Variants in SORCS2 observed in about 807,000 individuals in gnomAD.
The protein encoded by SORCS2 is sortilin related VPS10 domain containing receptor 2.
A neutral mutation model predicts 141.6 loss-of-function variants in SORCS2; 100 were observed. The ratio of observed to expected loss-of-function variants is 0.71; its 90% CI spans 0.60 to 0.83. The LOEUF (loss-of-function observed/expected upper bound fraction) is 0.83, where lower values mean the gene tolerates loss of function less well. Ranked by LOEUF, SORCS2 falls within the 40% of genes least tolerant of loss-of-function variation. The pLI is 0.00. For missense variants in SORCS2, 1,646 were observed against 1,560.2 expected (o/e 1.05, Z -0.93); for synonymous variants, 789 against 676.9 (o/e 1.17, Z -2.57).
chr4:7,450,497 A>G (rs1728367040), intron 2 of SORCS2, among the ~76,000 whole-genome samples: 1 of 152,180 alleles, frequency 6.6e-6, no homozygotes, highest in African/African-American at 2.4e-5. Flanking sequence ...CCACATGCCA[A>G]TGCCCCCATT....
At position 7,718,014 on chromosome 4, in the gene SORCS2, A is replaced by G; in HGVS notation, c.2255A>G (p.Tyr752Cys). The G allele has an allele frequency of 3.7e-6, 6 of 1,601,304 alleles. No individual in the cohort carries two copies. Among genetic ancestry groups the G allele is most frequent in the Non-Finnish European group, 5.1e-6 (6 of 1,173,446 alleles). Residue 752 changes from tyrosine to cysteine, a missense_variant and splice_region_variant, in exon 18 of 27, where the codon TAC becomes TGC. By Grantham distance (194) the Tyr-to-Cys change is radical. Coordinates refer to ENST00000507866, the MANE Select transcript of SORCS2 (RefSeq NM_020777.3). ...CTGACCCTCTCTTGTCAATCCAGGT[A>G]CCGGAAAGTGGTGTCCAACGTGTGT... ...LGQTYTSSLG[Y>C]RKVVSNVCEG... is the part of the protein sequence containing the mutation.
intron 2 of SORCS2, among the ~76,000 whole-genome samples, chr4:7,498,987 G>T (rs1731797550): frequency 6.6e-6 from 1 of 152,158 alleles, no homozygotes; most frequent in Admixed American, 6.5e-5. Context: ...GGCTGAGGCT[G>T]GGGAAAGGGG....
chr4:7,471,272 C>T (rs998697090), intron 2 of SORCS2, among the ~76,000 whole-genome samples: 6 of 152,348 alleles, frequency 3.9e-5, no homozygotes, highest in South Asian at 2.1e-4. Context: ...TCAGATTTCA[C>T]GGAACACATT....
intron 3 of SORCS2, among the ~76,000 whole-genome samples, chr4:7,559,462 G>C (rs1009903304): frequency 5.9e-5 from 9 of 152,166 alleles, no homozygotes; most frequent in African/African-American, 1.2e-4. Context: ...CGTGGAGGCC[G>C]ACCCCGTTGG....
At chr4:7,463,805 G>T (rs565203716) in intron 2 of SORCS2, among the ~76,000 whole-genome samples, 77 of 152,162 alleles carry the variant, frequency 5.1e-4, no homozygotes, top group African/African-American at 1.8e-3. Context: ...GCCCTGCGCC[G>T]CCTACATACT....
At chr4:7,393,367 CG>C (rs1193036614) in intron 1 of SORCS2, among the ~76,000 whole-genome samples, 3 of 152,104 alleles carry the variant, frequency 2.0e-5, no homozygotes, top group African/African-American at 4.8e-5. Flanking sequence ...AAAACTGTCC[CG>C]GGGATATTTC....
intron 1 of SORCS2, among the ~76,000 whole-genome samples, chr4:7,360,992 C>T (rs760929559): frequency 3.3e-5 from 5 of 152,016 alleles, no homozygotes; most frequent in Admixed American, 6.6e-5. Flanking sequence ...CAGGCTTCTC[C>T]ATCCCCTTGC....
intron 3 of SORCS2, among the ~76,000 whole-genome samples, chr4:7,532,252 T>C (rs1299238335): frequency 6.6e-6 from 1 of 152,180 alleles, no homozygotes; most frequent in Non-Finnish European, 1.5e-5. Flanking sequence ...AGGGCAAAGC[T>C]GTCCTGTGAA....
chr4:7,650,620 G>T (rs1005625682), intron 4 of SORCS2, among the ~76,000 whole-genome samples: 4 of 152,156 alleles, frequency 2.6e-5, no homozygotes, highest in Admixed American at 2.0e-4. Context: ...TTATAGATGG[G>T]GAAACTGAGG....
chr4:7,260,906 C>G (rs142415157), intron 1 of SORCS2, among the ~76,000 whole-genome samples: 1 of 152,212 alleles, frequency 6.6e-6, no homozygotes, highest in Non-Finnish European at 1.5e-5. Flanking sequence ...ACAATGGGGA[C>G]ACCGAGGCTC....
intron 3 of SORCS2, among the ~76,000 whole-genome samples, chr4:7,532,092 C>T (rs991366106): frequency 6.6e-6 from 1 of 152,206 alleles, no homozygotes; most frequent in African/African-American, 2.4e-5. Context: ...GGGGAACTTC[C>T]TGACTTTGCT....
intron 1 of SORCS2, among the ~76,000 whole-genome samples, chr4:7,335,386 AC>A (rs1252579417): frequency 2.0e-5 from 3 of 152,242 alleles, no homozygotes; most frequent in Non-Finnish European, 4.4e-5. Context: ...TGCTTTGATA[AC>A]CCAAACATTT....
chr4:7,304,490 C>T (rs1011272300), intron 1 of SORCS2, among the ~76,000 whole-genome samples: 2 of 152,218 alleles, frequency 1.3e-5, no homozygotes, highest in Non-Finnish European at 2.9e-5. Flanking sequence ...GCCTCCCGTC[C>T]ATCCAGTGTG....
chr4:7,523,214 C>CTTCT (rs1354931098), intron 2 of SORCS2, among the ~76,000 whole-genome samples: 2 of 152,096 alleles, frequency 1.3e-5, no homozygotes, highest in East Asian at 3.9e-4. Context: ...AGGGCAGGCT[C>CTTCT]AGGAGCCACT....
chr4:7,229,071 A>G (rs1018397044), intron 1 of SORCS2, among the ~76,000 whole-genome samples: 20 of 151,874 alleles, frequency 1.3e-4, no homozygotes, highest in Non-Finnish European at 1.5e-4. Flanking sequence ...GGCCCCTTTG[A>G]TTTTGTTCCT....
In SORCS2 at chr4:7,734,321, G is replaced by A. The variant is rs1716064048; in HGVS notation, c.3258G>A (p.Leu1086=). 1.2e-6 allele frequency: 2 copies of A among 1,601,418 alleles called. No individual in the cohort carries two copies. Among genetic ancestry groups the A allele is most frequent in the African/African-American group, 1.3e-5 (1 of 74,780 alleles). ...GGGGYWAVVV[L]FVIGLFAAGA... ...GCGGCTACTGGGCGGTAGTGGTGCT[G>A]TTTGTCATCGGGCTCTTCGCAGCGG... The change falls in exon 25 of 27, where the codon CTG becomes CTA. Residue 1086 remains leucine, a synonymous_variant. Transcript: ENST00000507866.
intron 2 of SORCS2, among the ~76,000 whole-genome samples, chr4:7,444,304 GT>G: frequency 6.6e-6 from 1 of 152,310 alleles, no homozygotes; most frequent in East Asian, 1.9e-4. Flanking sequence ...CATAATAAGT[GT>G]TACAATATGG....
At chr4:7,470,320 C>T (rs1458362366) in intron 2 of SORCS2, among the ~76,000 whole-genome samples, 1 of 151,806 alleles carries the variant, frequency 6.6e-6, no homozygotes, top group Non-Finnish European at 1.5e-5. Flanking sequence ...CTCCCACCTT[C>T]CCATCCACCC....
chr4:7,672,097 C>T (rs182324326), intron 8 of SORCS2, among the ~76,000 whole-genome samples: 22 of 152,166 alleles, frequency 1.4e-4, no homozygotes, highest in African/African-American at 5.1e-4. Context: ...GTGCCTGCCA[C>T]CATACCCAGC....
Sources: allele counts gnomAD v4.1 joint callset (sites outside exome capture counted in the v4.1 genomes callset), GRCh38; gene constraint gnomAD v4.1.1; transcripts MANE v1.5; gene names NCBI Gene and HGNC (gene_info 2026-07-23, HGNC 2026-07-21).